DLG2: variants seen among roughly 807,000 people sequenced by gnomAD.
DLG2 encodes disks large homolog 2.
DLG2 carries 45 observed loss-of-function variants against 132.5 expected under a neutral mutation model. The observed-to-expected ratio is 0.34, with a 90% CI of 0.27 to 0.44. The LOEUF (loss-of-function observed/expected upper bound fraction) is 0.44, where lower values mean the gene tolerates loss of function less well. Ranked by LOEUF, DLG2 falls within the 20% of genes least tolerant of loss-of-function variation. The pLI is 1.00. For synonymous variants in DLG2, 424 were observed against 419.6 expected (o/e 1.01, Z -0.13); for missense variants, 1,045 against 1,196.9 (o/e 0.87, Z 1.87).
chr11:83,928,737 A>C (rs1002910686), intron 15 of DLG2, among the ~76,000 whole-genome samples: 1 of 152,130 alleles, frequency 6.6e-6, no homozygotes, highest in Non-Finnish European at 1.5e-5. Context: ...TCTCATTTGT[A>C]AAACAAAGAT....
intron 18 of DLG2, among the ~76,000 whole-genome samples, chr11:83,712,803 G>A (rs1178174073): frequency 6.6e-6 from 1 of 151,988 alleles, no homozygotes; most frequent in East Asian, 1.9e-4. Context: ...ACACACTGGG[G>A]GCTGTCAGTG....
intron 4 of DLG2, among the ~76,000 whole-genome samples, chr11:85,205,163 T>G (rs1479210959): frequency 6.2e-5 from 9 of 144,742 alleles, no homozygotes; most frequent in South Asian, 2.1e-4. Flanking sequence ...TATATATATA[T>G]AGATATATAT....
chr11:83,521,187 A>C (rs1382363944), intron 21 of DLG2, among the ~76,000 whole-genome samples: 1 of 152,206 alleles, frequency 6.6e-6, no homozygotes, highest in African/African-American at 2.4e-5. Context: ...GTGACTGCAC[A>C]CAGGTCACTT....
chr11:84,797,394 C>T (rs543437921), intron 6 of DLG2, among the ~76,000 whole-genome samples: 2 of 152,180 alleles, frequency 1.3e-5, no homozygotes, highest in African/African-American at 4.8e-5. Flanking sequence ...ATTTCTACAT[C>T]TTAGGCATGC....
chr11:84,061,292 T>A (rs2096587001), intron 10 of DLG2, among the ~76,000 whole-genome samples: 1 of 152,210 alleles, frequency 6.6e-6, no homozygotes, highest in African/African-American at 2.4e-5. Flanking sequence ...AAAGCACATA[T>A]AAGCACTTAG....
chr11:83,910,043 C>G lies in DLG2; in HGVS notation c.1496+20285G>C, dbSNP rs531284304. The stretch of plus-strand genomic sequence containing the variant: ...CTAAAAACAGGATGGAGAATTTTAT[C>G]TGAGTCTTTTGTTAGTCATTAAATT... On this transcript the variant is annotated intron_variant, in intron 15 of 27. Transcript: ENST00000376104. Among the ~76,000 whole-genome samples the G allele has an allele frequency of 7.9e-5, 12 of 152,220 alleles. No homozygotes were observed. The South Asian group carries it at 2.5e-3, about 32-fold the overall frequency.
intron 10 of DLG2, among the ~76,000 whole-genome samples, chr11:84,076,383 C>T (rs147810979): frequency 4.6e-5 from 7 of 152,270 alleles, no homozygotes; most frequent in Non-Finnish European, 8.8e-5. Flanking sequence ...GTCTATCTAG[C>T]GCTCACTATT....
chr11:85,107,901 A>G (rs1010892396), intron 6 of DLG2, among the ~76,000 whole-genome samples: 2 of 135,726 alleles, frequency 1.5e-5, no homozygotes, highest in African/African-American at 5.4e-5. Context: ...TCTGTACATT[A>G]TAGTTACTAC....
At chr11:84,624,430 C>A (rs944716577) in intron 6 of DLG2, among the ~76,000 whole-genome samples, 1 of 152,112 alleles carries the variant, frequency 6.6e-6, no homozygotes, top group African/African-American at 2.4e-5. Flanking sequence ...AAACATCTTA[C>A]AATTGATTGC....
intron 12 of DLG2, among the ~76,000 whole-genome samples, chr11:83,979,464 C>G (rs1217216656): frequency 6.6e-6 from 1 of 152,156 alleles, no homozygotes; most frequent in Non-Finnish European, 1.5e-5. Flanking sequence ...GATTATTATC[C>G]TGTAGATTTT....
chr11:83,832,548 A>G (rs1486490578), intron 17 of DLG2, among the ~76,000 whole-genome samples: 1 of 152,164 alleles, frequency 6.6e-6, no homozygotes, highest in Non-Finnish European at 1.5e-5. Flanking sequence ...AGTGGGAGCG[A>G]AATACTGGAT....
chr11:83,598,578 T>C (rs1184063536), intron 19 of DLG2, among the ~76,000 whole-genome samples: 1 of 152,194 alleles, frequency 6.6e-6, no homozygotes, highest in African/African-American at 2.4e-5. Context: ...AAGAGTACTT[T>C]CCCAGCAGGT....
intron 3 of DLG2, among the ~76,000 whole-genome samples, chr11:85,557,718 T>G (rs72953995): frequency 0.042 from 6,376 of 151,908 alleles, 302 homozygotes; most frequent in East Asian, 0.095. Flanking sequence ...GGACTTCCTA[T>G]TCAATAAATA....
In DLG2 at chr11:83,534,689, C is replaced by G. The variant is rs2095840175; in HGVS notation, c.2118-1906G>C. 2.0e-5 allele frequency among the ~76,000 whole-genome samples: 3 copies of G among 152,228 alleles called. No individual in the cohort carries two copies. The South Asian group carries it at 6.2e-4, about 32-fold the overall frequency. On this transcript the variant is annotated intron_variant, in intron 20 of 27. Transcript: ENST00000376104. ...GTGGCTCACGCCTGTAATCCCAGCA[C>G]TTTAGGAGGCTGAGGCAGGTGTGTA...
intron 7 of DLG2, among the ~76,000 whole-genome samples, chr11:84,292,865 T>C (rs1175501729): frequency 1.3e-5 from 2 of 152,096 alleles, no homozygotes; most frequent in South Asian, 2.1e-4. Context: ...AAGAATTATC[T>C]TGGGCCACAC....
chr11:84,528,814 T>C (rs573644405), intron 7 of DLG2, among the ~76,000 whole-genome samples: 35 of 152,336 alleles, frequency 2.3e-4, no homozygotes, highest in East Asian at 1.7e-3. Flanking sequence ...ATTTTAATCA[T>C]TGCAAGTTTT....
chr11:84,514,206 G>T (rs2099265534), intron 7 of DLG2, among the ~76,000 whole-genome samples: 1 of 152,082 alleles, frequency 6.6e-6, no homozygotes, highest in Non-Finnish European at 1.5e-5. Flanking sequence ...TGCTGGTGGG[G>T]ATGTGGAGAA....
intron 17 of DLG2, chr11:83,790,654 G>A (rs2041285016): frequency 1.8e-6 from 2 of 1,097,842 alleles, no homozygotes; most frequent in Non-Finnish European, 2.8e-6. Flanking sequence ...GGTGAGAGTG[G>A]AGGGACATGA....
At chr11:84,947,365 T>C (rs2050351736) in intron 6 of DLG2, among the ~76,000 whole-genome samples, 1 of 152,188 alleles carries the variant, frequency 6.6e-6, no homozygotes, top group Admixed American at 6.5e-5. Context: ...AGTAACTGGC[T>C]CAAAATGGTG....
Sources: gnomAD v4.1 joint callset for allele counts (sites outside exome capture counted in the v4.1 genomes callset) on GRCh38, gnomAD v4.1.1 for gene constraint, MANE v1.5 for transcripts, NCBI Gene and HGNC (gene_info 2026-07-23, HGNC 2026-07-21) for gene names.